Variants in CTNND2 observed in about 807,000 individuals in gnomAD.
The protein encoded by CTNND2 is catenin delta-2.
Under a neutral mutation model 144.4 loss-of-function variants are expected in CTNND2, and 22 were observed. The ratio of observed to expected loss-of-function variants is 0.15; its 90% CI spans 0.11 to 0.22. The LOEUF (loss-of-function observed/expected upper bound fraction) is 0.22, where lower values mean the gene tolerates loss of function less well. Among genes scored for constraint, CTNND2 ranks in the 10% least tolerant of loss-of-function variants. CTNND2 has a pLI of 1.00. For missense variants in CTNND2, 1,353 were observed against 1,618.8 expected (o/e 0.84, Z 2.82); for synonymous variants, 751 against 695.6 (o/e 1.08, Z -1.25).
intron 3 of CTNND2, among the ~76,000 whole-genome samples, chr5:11,494,072 A>C (rs769011493): frequency 3.9e-5 from 6 of 152,190 alleles, no homozygotes; most frequent in Non-Finnish European, 7.4e-5. Flanking sequence ...ATTGAAATTT[A>C]AAGGACTGTT....
intron 3 of CTNND2, among the ~76,000 whole-genome samples, chr5:11,430,348 T>C (rs562353095): frequency 1.7e-5 from 2 of 114,702 alleles, no homozygotes; most frequent in South Asian, 2.6e-4. Context: ...GAATGGGACA[T>C]GAAACAAAAA....
At chr5:11,172,686 G>A (rs1287874776) in intron 11 of CTNND2, among the ~76,000 whole-genome samples, 1 of 152,194 alleles carries the variant, frequency 6.6e-6, no homozygotes, top group African/African-American at 2.4e-5. Context: ...AGCGCCAATG[G>A]GGAGGAAATA....
At chr5:11,855,543 C>G (rs1038335107) in intron 1 of CTNND2, among the ~76,000 whole-genome samples, 2 of 152,082 alleles carry the variant, frequency 1.3e-5, no homozygotes, top group Non-Finnish European at 1.5e-5. Context: ...TCTGTAAGCA[C>G]CTTATTAGGT....
chr5:11,344,738 A>G lies in CTNND2; in HGVS notation c.1628+1634T>C, dbSNP rs747399258. Among the ~76,000 whole-genome samples, 272 of 152,148 alleles carry G rather than the reference A, an allele frequency of 1.8e-3. 2 individuals carry two copies. Among genetic ancestry groups the G allele is most frequent in the Non-Finnish European group, 1.5e-3 (103 of 68,036 alleles). On this transcript the variant is annotated intron_variant, in intron 9 of 21. Transcript: ENST00000304623. ...TTTTTTGGTTTATAGCAGGCACTCA[A>G]TAAATATAAGTGACATAATCCATAA...
In CTNND2 at chr5:11,425,623, C is replaced by T. The variant is rs144198359; in HGVS notation, c.288-13554G>A. On this transcript the variant is annotated intron_variant, in intron 3 of 21. Transcript: ENST00000304623. ...AGCCATGAATTGAAATTCCTACTAA[C>T]GTTCTTAAGCTATTTAGAGCATATC... 5.7e-3 allele frequency among the ~76,000 whole-genome samples: 873 copies of T among 152,274 alleles called. 11 individuals carry two copies. The highest frequency in any genetic ancestry group is 0.02 in the African/African-American group (828 of 41,560).
chr5:11,874,979 G>GA (rs11299347), intron 1 of CTNND2, among the ~76,000 whole-genome samples: 4 of 152,006 alleles, frequency 2.6e-5, no homozygotes, highest in Non-Finnish European at 4.4e-5. Context: ...AAACAATTGT[G>GA]AAAAAAATAC....
intron 11 of CTNND2, among the ~76,000 whole-genome samples, chr5:11,180,801 C>T (rs1318302857): frequency 1.3e-5 from 2 of 152,230 alleles, no homozygotes; most frequent in African/African-American, 2.4e-5. Flanking sequence ...TGAAATACAT[C>T]ACTCCTAACG....
intron 8 of CTNND2, among the ~76,000 whole-genome samples, chr5:11,359,945 G>T (rs150985362): frequency 3.7e-4 from 56 of 152,236 alleles, no homozygotes; most frequent in African/African-American, 1.3e-3. Context: ...GAGAGGTGAG[G>T]AGTAGGACTT....
intron 1 of CTNND2, among the ~76,000 whole-genome samples, chr5:11,817,391 A>G (rs139499440): frequency 0.054 from 813 of 14,924 alleles, 77 homozygotes; most frequent in Middle Eastern, 0.14. Flanking sequence ...GAGAGGGGGG[A>G]GAGAGAGAGA....
chr5:11,509,202 A>T (rs893744824), intron 3 of CTNND2, among the ~76,000 whole-genome samples: 2 of 152,212 alleles, frequency 1.3e-5, no homozygotes, highest in African/African-American at 4.8e-5. Flanking sequence ...AAGGTCTAGC[A>T]TTCTTGCAGT....
intron 14 of CTNND2, among the ~76,000 whole-genome samples, chr5:11,104,995 G>A (rs1279683942): frequency 2.0e-5 from 3 of 152,230 alleles, no homozygotes; most frequent in African/African-American, 7.2e-5. Flanking sequence ...AGCTGGTGAT[G>A]CTGCCTACTC....
At chr5:11,834,252 T>C (rs1461106457) in intron 1 of CTNND2, among the ~76,000 whole-genome samples, 3 of 152,176 alleles carry the variant, frequency 2.0e-5, no homozygotes. Context: ...TAAAAATAAA[T>C]GCAAAGTAAC....
At chr5:11,653,646 T>C (rs1008727803) in intron 2 of CTNND2, among the ~76,000 whole-genome samples, 1 of 152,136 alleles carries the variant, frequency 6.6e-6, no homozygotes, top group Non-Finnish European at 1.5e-5. Context: ...ATTAGCCTTC[T>C]AGCAGATACA....
rs1239250655 is a variant in CTNND2, at chr5:11,688,392, G to A, written c.174+43744C>T. Among the ~76,000 whole-genome samples, 5 of 152,106 alleles carry A rather than the reference G, an allele frequency of 3.3e-5. No individual in the cohort carries two copies. The East Asian group carries it at 9.6e-4, about 29-fold the overall frequency. On this transcript the variant is annotated intron_variant, in intron 2 of 21. Transcript: ENST00000304623. ...ATGACTTTGAGAAGACCCCAAAAAA[G>A]TGTCTGTTCCATAGTGCACTAAATA...
chr5:11,158,414 A>T (rs1758431540), intron 12 of CTNND2, among the ~76,000 whole-genome samples: 1 of 152,170 alleles, frequency 6.6e-6, no homozygotes, highest in African/African-American at 2.4e-5. Flanking sequence ...TATATTTGCC[A>T]TATGGTAGCA....
chr5:11,471,692 A>G (rs1767250523), intron 3 of CTNND2, among the ~76,000 whole-genome samples: 1 of 152,248 alleles, frequency 6.6e-6, no homozygotes. Context: ...AAAGTGGTCC[A>G]TTAAATATCA....
chr5:11,818,342 G>C (rs946807804), intron 1 of CTNND2, among the ~76,000 whole-genome samples: 2 of 151,472 alleles, frequency 1.3e-5, no homozygotes, highest in East Asian at 3.9e-4. Context: ...GATTTCCTTT[G>C]ACCCAAGCAG....
At chr5:11,094,041 T>C (rs1694034920) in intron 15 of CTNND2, among the ~76,000 whole-genome samples, 2 of 152,224 alleles carry the variant, frequency 1.3e-5, no homozygotes, top group South Asian at 4.1e-4. Context: ...GATCCCTATA[T>C]GTGTACTTGT....
intron 3 of CTNND2, among the ~76,000 whole-genome samples, chr5:11,531,103 G>A (rs1166740087): frequency 2.0e-5 from 3 of 152,218 alleles, no homozygotes; most frequent in African/African-American, 7.2e-5. Flanking sequence ...TACCTTGTTA[G>A]AACTGATCAT....
Sources: gnomAD v4.1 joint callset for allele counts (sites outside exome capture counted in the v4.1 genomes callset) on GRCh38, gnomAD v4.1.1 for gene constraint, MANE v1.5 for transcripts, NCBI Gene and HGNC (gene_info 2026-07-23, HGNC 2026-07-21) for gene names.